The following RIMS2 variants were observed in gnomAD, a reference collection of about 807,000 sequenced individuals.
RIMS2 encodes the protein regulating synaptic membrane exocytosis 2, also known as regulating synaptic membrane exocytosis protein 2.
RIMS2 carries 59 observed loss-of-function variants against 174.4 expected under a neutral mutation model. The observed-to-expected ratio is 0.34, with a 90% CI of 0.27 to 0.42. RIMS2 has a LOEUF of 0.42. Among genes scored for constraint, RIMS2 ranks in the 10% least tolerant of loss-of-function variants. RIMS2 has a pLI of 1.00. For synonymous variants in RIMS2, 606 were observed against 572.5 expected (o/e 1.06, Z -0.84); for missense variants, 1,620 against 1,666.3 (o/e 0.97, Z 0.48).
At chr8:103,693,613 C>G (rs1197450877) in intron 1 of RIMS2, among the ~76,000 whole-genome samples, 1 of 152,160 alleles carries the variant, frequency 6.6e-6, no homozygotes, top group African/African-American at 2.4e-5. Context: ...TGGAAAATGT[C>G]TTCACCAGTC....
intron 19 of RIMS2, among the ~76,000 whole-genome samples, chr8:104,138,030 T>G (rs897625489): frequency 6.6e-6 from 1 of 152,210 alleles, no homozygotes; most frequent in African/African-American, 2.4e-5. Flanking sequence ...TGCAAATAAG[T>G]GAAAACATGC....
chr8:103,772,908 A>T (rs1406138901), intron 3 of RIMS2, among the ~76,000 whole-genome samples: 2 of 151,600 alleles, frequency 1.3e-5, no homozygotes, highest in African/African-American at 4.9e-5. Context: ...ATGCAAAAAA[A>T]TTTGAAGCAT....
intron 3 of RIMS2, among the ~76,000 whole-genome samples, chr8:103,845,306 C>T (rs370638580): frequency 2.3e-3 from 346 of 152,144 alleles, no homozygotes; most frequent in Non-Finnish European, 3.2e-3. Context: ...GTAGGAAAAG[C>T]AGAAGAAATG....
intron 17 of RIMS2, among the ~76,000 whole-genome samples, chr8:104,002,599 G>T (rs1300026688): frequency 4.6e-5 from 7 of 152,080 alleles, no homozygotes. Flanking sequence ...ACTTTCAACT[G>T]GAAATTGTTT....
intron 3 of RIMS2, among the ~76,000 whole-genome samples, chr8:103,881,327 A>G (rs930995157): frequency 4.6e-5 from 7 of 151,546 alleles, no homozygotes; most frequent in African/African-American, 1.7e-4. Flanking sequence ...TCATTAGACT[A>G]TATTTTCAGA....
At chr8:104,001,069 T>C (rs1270027835) in intron 17 of RIMS2, among the ~76,000 whole-genome samples, 1 of 151,926 alleles carries the variant, frequency 6.6e-6, no homozygotes. Flanking sequence ...TTCACCTTGA[T>C]AGAATCTCAT....
At chr8:103,611,862 TTCTA>T (rs2095377760) in intron 1 of RIMS2, among the ~76,000 whole-genome samples, 1 of 151,928 alleles carries the variant, frequency 6.6e-6, no homozygotes, top group South Asian at 2.1e-4. Context: ...TCAATAAACT[TTCTA>T]TCTATATCTC....
At chr8:103,704,316 T>C (rs1321042391) in intron 2 of RIMS2, among the ~76,000 whole-genome samples, 2 of 151,818 alleles carry the variant, frequency 1.3e-5, no homozygotes, top group African/African-American at 4.8e-5. Flanking sequence ...CCTGGGATGA[T>C]TGTGGTGATT....
At chr8:103,563,440 A>T (rs2091912746) in intron 1 of RIMS2, among the ~76,000 whole-genome samples, 1 of 152,108 alleles carries the variant, frequency 6.6e-6, no homozygotes, top group Admixed American at 6.6e-5. Flanking sequence ...AACAATAGTC[A>T]CCTTTGCTCC....
In RIMS2 at chr8:103,744,576, T is replaced by C. The variant is rs777686298; in HGVS notation, c.388-21651T>C. 6.9e-4 allele frequency among the ~76,000 whole-genome samples: 105 copies of C among 152,354 alleles called. 3 individuals are homozygous for C. The highest frequency in any genetic ancestry group is 6.0e-3 in the Admixed American group (92 of 15,298). On this transcript the variant is annotated intron_variant, in intron 2 of 23. Coordinates refer to ENST00000504942, the Ensembl canonical transcript of RIMS2. Reference sequence around the variant, plus strand: ...GCAAAACTGTAACAATTGTTATATGTACCCTACTCATATGCCTTCAGCCCA... The same window carrying C: ...GCAAAACTGTAACAATTGTTATATGCACCCTACTCATATGCCTTCAGCCCA...
exon 4 of RIMS2, chr8:103,885,490 C>T (rs1380308952): frequency 5.0e-6 from 8 of 1,612,566 alleles, no homozygotes; most frequent in Non-Finnish European, 5.9e-6. Flanking sequence ...GGGACTCCAA[C>T]AGGAGAAGTC....
chr8:104,155,919 A>T (rs2098721174), intron 19 of RIMS2, among the ~76,000 whole-genome samples: 1 of 152,206 alleles, frequency 6.6e-6, no homozygotes, highest in African/African-American at 2.4e-5. Flanking sequence ...TATCAAAAAG[A>T]TGAATAACAT....
chr8:104,217,075 TA>T (rs2099133195), intron 19 of RIMS2, among the ~76,000 whole-genome samples: 1 of 152,336 alleles, frequency 6.6e-6, no homozygotes, highest in African/African-American at 2.4e-5. Flanking sequence ...ACTCTGCTTT[TA>T]TAACTCATTA....
chr8:103,623,196 A>G (rs1445539347), intron 1 of RIMS2, among the ~76,000 whole-genome samples: 1 of 152,202 alleles, frequency 6.6e-6, no homozygotes, highest in Non-Finnish European at 1.5e-5. Context: ...CTGAGGTTTT[A>G]TGCTAGCCCT....
chr8:103,649,524 C>G (rs2096409468), intron 1 of RIMS2, among the ~76,000 whole-genome samples: 1 of 152,056 alleles, frequency 6.6e-6, no homozygotes. Flanking sequence ...GGATGATATA[C>G]TTAAGTATGT....
At chr8:104,060,850 G>C (rs1328493116) in intron 19 of RIMS2, among the ~76,000 whole-genome samples, 1 of 152,086 alleles carries the variant, frequency 6.6e-6, no homozygotes, top group Non-Finnish European at 1.5e-5. Flanking sequence ...TCAGGAGCAG[G>C]TTGTTCAGTT....
chr8:103,743,865 G>A (rs1415375123), intron 2 of RIMS2, among the ~76,000 whole-genome samples: 1 of 152,094 alleles, frequency 6.6e-6, no homozygotes, highest in Admixed American at 6.5e-5. Context: ...AGACATAAAT[G>A]GGGTTGAACT....
chr8:103,686,006 T>C (rs776316911), intron 1 of RIMS2, among the ~76,000 whole-genome samples: 7 of 152,166 alleles, frequency 4.6e-5, no homozygotes, highest in Non-Finnish European at 7.4e-5. Flanking sequence ...CTTTTATCAG[T>C]GTTTTATAGT....
At chr8:103,600,624 C>G (rs1349812896) in intron 1 of RIMS2, among the ~76,000 whole-genome samples, 5 of 152,176 alleles carry the variant, frequency 3.3e-5, no homozygotes, top group African/African-American at 1.2e-4. Context: ...GCTTGTAAAT[C>G]TTGTTTGTTG....
Sources: allele counts gnomAD v4.1 joint callset (sites outside exome capture counted in the v4.1 genomes callset), GRCh38; gene constraint gnomAD v4.1.1; transcripts MANE v1.5; gene names NCBI Gene and HGNC (gene_info 2026-07-23, HGNC 2026-07-21).